The following EXOC4 variants were observed in gnomAD, a reference collection of about 807,000 sequenced individuals.
The protein encoded by EXOC4 is SEC8-like 1.
In EXOC4, 71 loss-of-function variants were observed where a neutral mutation model predicts 107.2. The observed-to-expected ratio is 0.66, with a 90% CI of 0.55 to 0.81. The LOEUF (loss-of-function observed/expected upper bound fraction) is 0.81. Among genes scored for constraint, EXOC4 ranks in the 30% least tolerant of loss-of-function variants. The probability of loss-of-function intolerance (pLI) is 0.00; values close to 1 mark genes in which losing one functional copy is unlikely to be tolerated. For synonymous variants in EXOC4, 456 were observed against 441.2 expected (o/e 1.03, Z -0.42); for missense variants, 1,108 against 1,189.6 (o/e 0.93, Z 1.01).
chr7:133,803,352 G>A (rs1341283622), intron 10 of EXOC4, among the ~76,000 whole-genome samples: 2 of 152,036 alleles, frequency 1.3e-5, no homozygotes, highest in Non-Finnish European at 2.9e-5. Flanking sequence ...GAGTTTTGTT[G>A]TTTTATTTTT....
chr7:133,792,717 G>A (rs536757639), intron 10 of EXOC4, among the ~76,000 whole-genome samples: 85 of 152,136 alleles, frequency 5.6e-4, no homozygotes, highest in Non-Finnish European at 1.0e-3. Context: ...CTATGTTGAA[G>A]CCTTAAGTGG....
chr7:133,570,425 C>T (rs2150958579), intron 9 of EXOC4, among the ~76,000 whole-genome samples: 1 of 152,314 alleles, frequency 6.6e-6, no homozygotes, highest in Admixed American at 6.5e-5. Context: ...TGTTTCATTG[C>T]TTTTCTTTCA....
chr7:133,523,377 C>T (rs1800016054), intron 9 of EXOC4, among the ~76,000 whole-genome samples: 1 of 151,560 alleles, frequency 6.6e-6, no homozygotes, highest in African/African-American at 2.4e-5. Context: ...AAAGTATGTT[C>T]ACAGGTGTTT....
chr7:133,723,679 C>T (rs556406069), intron 10 of EXOC4, among the ~76,000 whole-genome samples: 1 of 152,160 alleles, frequency 6.6e-6, no homozygotes, highest in South Asian at 2.1e-4. Flanking sequence ...TTAGTAGAAA[C>T]GGGGTTTCAC....
intron 10 of EXOC4, among the ~76,000 whole-genome samples, chr7:133,649,993 C>T (rs1052111419): frequency 4.7e-4 from 71 of 151,858 alleles, no homozygotes; most frequent in African/African-American, 8.0e-4. Flanking sequence ...GTTTATATTC[C>T]TAAGATTTAG....
intron 5 of EXOC4, among the ~76,000 whole-genome samples, chr7:133,348,149 T>G (rs1795827613): frequency 6.6e-6 from 1 of 152,240 alleles, no homozygotes; most frequent in African/African-American, 2.4e-5. Context: ...CTACCTGACC[T>G]CACAGGGTTT....
At chr7:133,774,703 A>G (rs778463500) in intron 10 of EXOC4, among the ~76,000 whole-genome samples, 2 of 152,168 alleles carry the variant, frequency 1.3e-5, no homozygotes, top group East Asian at 1.9e-4. Context: ...TAACTTATGG[A>G]CATTAGTTCT....
intron 9 of EXOC4, among the ~76,000 whole-genome samples, chr7:133,622,163 TA>T (rs1802349536): frequency 6.6e-6 from 1 of 152,136 alleles, no homozygotes; most frequent in South Asian, 2.1e-4. Context: ...TGTGTAGAGA[TA>T]GGGTCTTGTT....
At chr7:133,483,937 G>C in intron 9 of EXOC4, 2 of 1,188,940 alleles carry the variant, frequency 1.7e-6, no homozygotes, top group African/African-American at 1.5e-5. Context: ...CAAACCGTAA[G>C]AGACTAAGGG....
At chr7:133,633,050 A>C (rs1466372300) in intron 10 of EXOC4, among the ~76,000 whole-genome samples, 1 of 152,212 alleles carries the variant, frequency 6.6e-6, no homozygotes, top group African/African-American at 2.4e-5. Context: ...GCTTGTTACT[A>C]GACTCTGATT....
chr7:134,031,134 A>T (rs141847934), intron 17 of EXOC4, among the ~76,000 whole-genome samples: 134 of 152,316 alleles, frequency 8.8e-4, no homozygotes, highest in African/African-American at 3.0e-3. Flanking sequence ...GAAGGGGATA[A>T]CAGCTAAAGG....
chr7:133,508,687 G>T (rs748140764), intron 9 of EXOC4, among the ~76,000 whole-genome samples: 1 of 152,124 alleles, frequency 6.6e-6, no homozygotes, highest in Non-Finnish European at 1.5e-5. Context: ...AATTATCAGG[G>T]TGTTTGTACC....
chr7:133,456,061 G>A (rs1429105414), intron 7 of EXOC4, among the ~76,000 whole-genome samples: 1 of 152,142 alleles, frequency 6.6e-6, no homozygotes, highest in African/African-American at 2.4e-5. Flanking sequence ...CAATATACGT[G>A]TATTCTGCTT....
At position 133,585,261 on chromosome 7, in the gene EXOC4, C is replaced by T. The variant is rs115853844; in HGVS notation, c.1418-44784C>T. Among the ~76,000 whole-genome samples the T allele has an allele frequency of 3.8e-3, 581 of 152,260 alleles. 3 individuals are homozygous for T. The highest frequency in any genetic ancestry group is 0.013 in the African/African-American group (559 of 41,560). On this transcript the variant is annotated intron_variant, in intron 9 of 17. Coordinates refer to ENST00000253861, the MANE Select transcript of EXOC4 (RefSeq NM_021807.4). ...GTGTTATCTGTGTAACTTCAAGTGA[C>T]GGACTTTCCTAAACTTTAGGTTTCT...
At chr7:133,307,714 C>T (rs995660827) in intron 4 of EXOC4, among the ~76,000 whole-genome samples, 1 of 152,120 alleles carries the variant, frequency 6.6e-6, no homozygotes. Context: ...CTTTTGCCAT[C>T]ATTAGGGTAC....
intron 10 of EXOC4, among the ~76,000 whole-genome samples, chr7:133,649,205 A>G (rs1026842238): frequency 3.3e-5 from 5 of 152,142 alleles, no homozygotes; most frequent in African/African-American, 1.2e-4. Context: ...CCCCCTTAGG[A>G]TACTTATGGT....
At chr7:133,678,520 G>A (rs553212401) in intron 10 of EXOC4, among the ~76,000 whole-genome samples, 24 of 151,874 alleles carry the variant, frequency 1.6e-4, no homozygotes, top group African/African-American at 5.1e-4. Context: ...TCACATACCT[G>A]GTTGGTTTCA....
At chr7:133,853,339 CTCTT>C (rs1418795817) in intron 11 of EXOC4, among the ~76,000 whole-genome samples, 19 of 141,190 alleles carry the variant, frequency 1.3e-4, no homozygotes, top group South Asian at 4.7e-4. Context: ...CTCTCTCTCT[CTCTT>C]TAACACACAC....
intron 10 of EXOC4, among the ~76,000 whole-genome samples, chr7:133,681,215 G>A (rs1032963902): frequency 2.0e-5 from 3 of 152,148 alleles, no homozygotes; most frequent in African/African-American, 7.2e-5. Flanking sequence ...TGTTTGTGCT[G>A]TTGTTTTGAA....
Sources: allele counts gnomAD v4.1 joint callset (sites outside exome capture counted in the v4.1 genomes callset), GRCh38; gene constraint gnomAD v4.1.1; transcripts MANE v1.5; gene names NCBI Gene and HGNC (gene_info 2026-07-23, HGNC 2026-07-21).